The following AGBL1 variants were observed in gnomAD, a reference collection of about 807,000 sequenced individuals.
AGBL1 encodes the protein AGBL carboxypeptidase 1.
AGBL1 carries 130 observed loss-of-function variants against 118.9 expected under a neutral mutation model. The observed-to-expected ratio is 1.09, with a 90% confidence interval of 0.95 to 1.26. The LOEUF is 1.26. Ranked by LOEUF, AGBL1 falls within the 50% of genes most tolerant of loss-of-function variation. AGBL1 has a pLI of 0.00. For synonymous variants in AGBL1, 555 were observed against 478.9 expected, an observed-to-expected ratio of 1.16 and a Z score of -2.08; for missense variants, 1,584 against 1,298.1, an observed-to-expected ratio of 1.22 and a Z score of -3.38.
intron 22 of AGBL1, among the ~76,000 whole-genome samples, chr15:86,788,419 T>C (rs1329635994): frequency 6.6e-6 from 1 of 152,154 alleles, no homozygotes; most frequent in Admixed American, 6.6e-5. Context: ...AAGACTCATC[T>C]CTAATGAAGT....
intron 1 of AGBL1, chr15:86,083,207 G>C (rs975083309): frequency 6.6e-6 from 1 of 152,072 alleles, no homozygotes; most frequent in African/African-American, 2.4e-5. Context: ...AAAAAAAAGA[G>C]GTGTCTCATT....
intron 23 of AGBL1, among the ~76,000 whole-genome samples, chr15:86,925,921 G>A (rs780879326): frequency 4.0e-4 from 61 of 151,576 alleles, no homozygotes; most frequent in Non-Finnish European, 7.7e-4. Flanking sequence ...TAATAGAGAC[G>A]GGGTTTCACT....
rs2079876084 is a variant in AGBL1 at position 86,308,632 on chromosome 15, T to C, written c.2374+13224T>C. 3.3e-5 allele frequency among the ~76,000 whole-genome samples: 5 copies of C among 152,396 alleles called. No homozygotes were observed. The South Asian group carries it at 1.0e-3, about 32-fold the overall frequency. ...GTAAGATAAGGGATTGATTTCATTC[T>C]TCTGCATCTGTATATTTAGTTTTCT... On this transcript the variant is annotated intron_variant, in intron 17 of 22. Coordinates refer to ENST00000614907, the MANE Select transcript of AGBL1 (RefSeq NM_001386094.1).
At chr15:86,262,391 A>G (rs1165953887) in intron 9 of AGBL1, among the ~76,000 whole-genome samples, 1 of 152,128 alleles carries the variant, frequency 6.6e-6, no homozygotes, top group South Asian at 2.1e-4. Flanking sequence ...AATGTTTGTG[A>G]AAAGACTGAC....
intron 1 of AGBL1, among the ~76,000 whole-genome samples, chr15:86,133,811 C>T (rs1328160374): frequency 6.6e-6 from 1 of 152,134 alleles, no homozygotes; most frequent in African/African-American, 2.4e-5. Context: ...TAAGATACTC[C>T]AGTCAGAAAA....
chr15:86,422,788 A>G (rs193185847), intron 18 of AGBL1, among the ~76,000 whole-genome samples: 126 of 152,356 alleles, frequency 8.3e-4, no homozygotes, highest in Non-Finnish European at 1.4e-3. Context: ...ACAGAAATAC[A>G]AACTACCATC....
intron 20 of AGBL1, among the ~76,000 whole-genome samples, chr15:86,549,891 A>C: frequency 1.4e-5 from 1 of 72,954 alleles, no homozygotes; most frequent in East Asian, 4.1e-4. Flanking sequence ...GAGTGGAGGG[A>C]GGGAGGGAGG....
In AGBL1 at chr15:86,962,629, A is replaced by G. The variant is rs1052533614; in HGVS notation, c.3222-25358A>G. On this transcript the variant is annotated intron_variant, in intron 23 of 24. Coordinates refer to the AGBL1 transcript ENST00000441037. ...AATTTCAGGTTATGCAGGACATACC[A>G]TTGAATATAAGATTTACACCAGAAG... Among the ~76,000 whole-genome samples, 6 of 152,090 alleles carry G rather than the reference A, an allele frequency of 3.9e-5. No homozygotes were observed. The East Asian group carries it at 1.2e-3, about 29-fold the overall frequency.
intron 23 of AGBL1, among the ~76,000 whole-genome samples, chr15:86,952,441 CTT>C (rs2080889201): frequency 1.3e-5 from 2 of 152,066 alleles, no homozygotes; most frequent in African/African-American, 4.8e-5. Context: ...ATAATTGACA[CTT>C]AATGTGATTA....
In AGBL1 at chr15:86,703,986, C is replaced by T. The variant is rs1435599306; in HGVS notation, c.3158+29550C>T. On this transcript the variant is annotated intron_variant, in intron 22 of 22. Transcript: ENST00000614907. ...AACAGAGACCTCAGAAATATCACCA[C>T]ACATCTACAGCCATCTGATCTTCAA... 2.6e-5 allele frequency among the ~76,000 whole-genome samples: 4 copies of T among 152,090 alleles called. No individual in the cohort carries two copies. The East Asian group carries it at 5.8e-4, about 22-fold the overall frequency.
chr15:86,123,046 C>A (rs988326720), intron 1 of AGBL1, among the ~76,000 whole-genome samples: 5 of 152,142 alleles, frequency 3.3e-5, no homozygotes, highest in Admixed American at 6.5e-5. Flanking sequence ...AATGGTCCAG[C>A]AAAGCTGTCG....
chr15:86,877,769 C>T (rs945740728), intron 22 of AGBL1, among the ~76,000 whole-genome samples: 12 of 152,202 alleles, frequency 7.9e-5, no homozygotes, highest in African/African-American at 2.7e-4. Context: ...AGCTTCTCTC[C>T]GGACACTCCT....
intron 18 of AGBL1, among the ~76,000 whole-genome samples, chr15:86,493,115 A>G (rs1049481950): frequency 6.6e-6 from 1 of 152,090 alleles, no homozygotes; most frequent in Non-Finnish European, 1.5e-5. Context: ...AATTACTTGA[A>G]CCTGGAAGGG....
chr15:86,822,993 A>G (rs2078962688), intron 22 of AGBL1, among the ~76,000 whole-genome samples: 1 of 152,186 alleles, frequency 6.6e-6, no homozygotes, highest in Non-Finnish European at 1.5e-5. Context: ...TCAACATGGC[A>G]CATGAGCAGC....
chr15:86,438,240 T>C (rs2082022265), intron 18 of AGBL1, among the ~76,000 whole-genome samples: 1 of 152,118 alleles, frequency 6.6e-6, no homozygotes, highest in South Asian at 2.1e-4. Context: ...GTGAATGTTA[T>C]AGGTGGATTT....
chr15:86,117,443 C>T (rs548396298), intron 1 of AGBL1, among the ~76,000 whole-genome samples: 36 of 152,250 alleles, frequency 2.4e-4, no homozygotes, highest in Admixed American at 6.5e-4. Flanking sequence ...TTCCAATTTT[C>T]CCTGTGTGAC....
At chr15:86,173,648 C>G (rs1422706075) in intron 5 of AGBL1, among the ~76,000 whole-genome samples, 1 of 152,020 alleles carries the variant, frequency 6.6e-6, no homozygotes, top group Non-Finnish European at 1.5e-5. Flanking sequence ...TCTAGTTTCA[C>G]TCTTCTGCAT....
chr15:86,990,381 G>T (rs933374693), intron 24 of AGBL1, among the ~76,000 whole-genome samples: 5 of 152,162 alleles, frequency 3.3e-5, no homozygotes, highest in African/African-American at 1.2e-4. Flanking sequence ...CACGCGTGTG[G>T]CAGGTGCTTG....
At chr15:86,109,300 A>G (rs566225461) in intron 1 of AGBL1, among the ~76,000 whole-genome samples, 1 of 152,218 alleles carries the variant, frequency 6.6e-6, no homozygotes, top group Non-Finnish European at 1.5e-5. Context: ...TTAAGTATGA[A>G]TGAGGATACT....
Sources: gnomAD v4.1 joint callset for allele counts (sites outside exome capture counted in the v4.1 genomes callset) on GRCh38, gnomAD v4.1.1 for gene constraint, MANE v1.5 for transcripts, NCBI Gene and HGNC (gene_info 2026-07-23, HGNC 2026-07-21) for gene names.